SNX29: variants seen among roughly 807,000 people sequenced by gnomAD.
The protein encoded by SNX29 is sorting nexin 29.
SNX29 carries 78 observed loss-of-function variants against 102.1 expected under a neutral mutation model. The ratio of observed to expected loss-of-function variants is 0.76; its 90% CI spans 0.64 to 0.92. The LOEUF (loss-of-function observed/expected upper bound fraction) is 0.92, where lower values mean the gene tolerates loss of function less well. Among genes scored for constraint, SNX29 ranks in the 40% least tolerant of loss-of-function variants. The pLI is 0.00. For missense variants in SNX29, 1,280 were observed against 1,061.7 expected, an observed-to-expected ratio of 1.21 and a Z score of -2.86; for synonymous variants, 580 against 414.5, an observed-to-expected ratio of 1.40 and a Z score of -4.85.
rs75337490 is a variant in SNX29 at position 12,124,392 on chromosome 16, C to T, written c.1403-2241C>T. On this transcript the variant is annotated intron_variant, in intron 11 of 20. Transcript: ENST00000566228. ...AAAACTGATATTCTTTCTACACTGC[C>T]AGTTTACTGCCCTGAGGAGCTTAAA... Among the ~76,000 whole-genome samples the T allele has an allele frequency of 1.7e-3, 255 of 152,068 alleles. 6 individuals are homozygous for T. The East Asian group carries it at 0.043, about 25-fold the overall frequency.
At chr16:12,224,753 A>G (rs1249697472) in intron 14 of SNX29, among the ~76,000 whole-genome samples, 1 of 152,198 alleles carries the variant, frequency 6.6e-6, no homozygotes, top group Non-Finnish European at 1.5e-5. Context: ...GCACAAAACC[A>G]GATAGTCCAC....
chr16:12,098,029 C>T lies in SNX29; in HGVS notation c.1402+19114C>T, dbSNP rs1289645949. On this transcript the variant is annotated intron_variant, in intron 11 of 20. Transcript: ENST00000566228. The surrounding 1 kb of genome is among the most constrained non-coding windows in gnomAD (Gnocchi z 6.0). ...GCTCACGTCCTGGCTTTGCCATTTA[C>T]TTTGTCCGTTTCCTTATTTCCAAAA... Among the ~76,000 whole-genome samples the T allele has an allele frequency of 2.6e-5, 4 of 152,236 alleles. No individual in the cohort carries two copies. Among genetic ancestry groups the T allele is most frequent in the African/African-American group, 9.6e-5 (4 of 41,466 alleles).
intron 14 of SNX29, among the ~76,000 whole-genome samples, chr16:12,207,397 C>T (rs906069098): frequency 6.6e-6 from 1 of 152,058 alleles, no homozygotes; most frequent in Non-Finnish European, 1.5e-5. Context: ...AAACAAAAAC[C>T]AGGGAGGCTC....
chr16:12,568,205 A>G (rs994304297), intron 20 of SNX29, among the ~76,000 whole-genome samples: 2 of 151,638 alleles, frequency 1.3e-5, no homozygotes, highest in Non-Finnish European at 2.9e-5. Flanking sequence ...AGCTGTGCCT[A>G]GAACATTCTT....
rs114986722 is a variant in SNX29, at chr16:11,997,321, A to G, written c.8-1976A>G. On this transcript the variant is annotated intron_variant, in intron 1 of 20. Coordinates refer to ENST00000566228, the MANE Select transcript of SNX29 (RefSeq NM_032167.5). The stretch of plus-strand genomic sequence containing the variant: ...CTTTCCATAGCTGTTCCTTCTCTTC[A>G]TAGAGGGCTCAGCTCAAATGTCACC... 3.2e-3 allele frequency among the ~76,000 whole-genome samples: 480 copies of G among 152,144 alleles called. 3 individuals carry two copies. The highest frequency in any genetic ancestry group is 0.011 in the African/African-American group (454 of 41,520).
chr16:12,398,598 T>G lies in SNX29; in HGVS notation c.1955+97T>G. On this transcript the variant is annotated intron_variant, in intron 17 of 20. Transcript: ENST00000566228. ...GACCACAGGGGGAAACAGAAATCAC[T>G]GTTGAGACCCACACAAGGTTGATGT... 5 of 1,368,436 alleles carry G rather than the reference T, an allele frequency of 3.7e-6. No homozygotes were observed. In the Admixed American group the frequency reaches 8.4e-5, roughly 23 times the overall value. The allele number at this position is 1,368,436 out of a possible 1,614,324, so 84.8% of individuals were successfully genotyped here.
intron 14 of SNX29, among the ~76,000 whole-genome samples, chr16:12,199,934 G>GA (rs1567304220): frequency 3.3e-5 from 5 of 152,176 alleles, no homozygotes; most frequent in Admixed American, 6.5e-5. Flanking sequence ...TGTACTTAGA[G>GA]AATTTTATGT....
chr16:12,056,356 G>A (rs2050520882), intron 8 of SNX29, among the ~76,000 whole-genome samples: 1 of 152,204 alleles, frequency 6.6e-6, no homozygotes, highest in Admixed American at 6.5e-5. Context: ...TGAAGCCAGA[G>A]GGCCTCCTGC....
chr16:12,550,041 C>T (rs1567176284), intron 20 of SNX29, among the ~76,000 whole-genome samples: 1 of 152,146 alleles, frequency 6.6e-6, no homozygotes, highest in African/African-American at 2.4e-5. Flanking sequence ...GGAATGCCTC[C>T]CTGGAGCCTA....
chr16:12,568,304 T>TTA (rs1555465909), intron 20 of SNX29, among the ~76,000 whole-genome samples: 1 of 146,340 alleles, frequency 6.8e-6, no homozygotes, highest in Non-Finnish European at 1.5e-5. Context: ...GGAGTGCTGT[T>TTA]AAAAAAAAAA....
chr16:12,108,445 C>A (rs1350407965), intron 11 of SNX29, among the ~76,000 whole-genome samples: 1 of 152,186 alleles, frequency 6.6e-6, no homozygotes, highest in Non-Finnish European at 1.5e-5. Context: ...GGTGTCACGG[C>A]ACCTGGAGGC....
At position 12,377,754 on chromosome 16, in the gene SNX29, C is replaced by G. The variant is rs144839983; in HGVS notation, c.1900-20692C>G. Among the ~76,000 whole-genome samples, 376 of 152,210 alleles carry G rather than the reference C, an allele frequency of 2.5e-3. 2 individuals carry two copies. Among genetic ancestry groups the G allele is most frequent in the African/African-American group, 8.4e-3 (350 of 41,526 alleles). On this transcript the variant is annotated intron_variant, in intron 16 of 20. Transcript: ENST00000566228. The stretch of plus-strand genomic sequence containing the variant: ...TTTACAAAACCTTTGTCTTCCTGAG[C>G]CACTCATTTAGCCCATGTGTGTTGA...
chr16:12,273,653 C>T (rs941145166), intron 14 of SNX29, among the ~76,000 whole-genome samples: 9 of 152,098 alleles, frequency 5.9e-5, no homozygotes, highest in Admixed American at 2.0e-4. Context: ...CCACCAAGCC[C>T]GACCCTCAGT....
chr16:12,469,709 A>G (rs2087243173), intron 18 of SNX29, among the ~76,000 whole-genome samples: 1 of 152,220 alleles, frequency 6.6e-6, no homozygotes, highest in Non-Finnish European at 1.5e-5. Context: ...GTTTTAAGGC[A>G]TACAAAACTG....
chr16:12,566,886 C>T (rs1256625313), intron 20 of SNX29, among the ~76,000 whole-genome samples: 1 of 152,224 alleles, frequency 6.6e-6, no homozygotes, highest in Non-Finnish European at 1.5e-5. Flanking sequence ...AACAACTTGA[C>T]TTACAGGAAA....
intron 13 of SNX29, among the ~76,000 whole-genome samples, chr16:12,131,202 A>G (rs1476569513): frequency 3.3e-5 from 5 of 152,220 alleles, no homozygotes; most frequent in African/African-American, 1.2e-4. Context: ...AGGGGTGGAA[A>G]TGGTGCTGGC....
intron 3 of SNX29, among the ~76,000 whole-genome samples, chr16:12,026,716 T>A (rs571515228): frequency 6.6e-5 from 10 of 152,312 alleles, no homozygotes; most frequent in Admixed American, 4.6e-4. Flanking sequence ...AGAACAAGAA[T>A]CAGAATTCAT....
chr16:12,268,008 C>T (rs547913007), intron 14 of SNX29, among the ~76,000 whole-genome samples: 1 of 152,294 alleles, frequency 6.6e-6, no homozygotes, highest in South Asian at 2.1e-4. Flanking sequence ...CCGCCCCAGG[C>T]CCTTTGCATT....
chr16:12,448,207 C>A (rs773329442), intron 18 of SNX29, among the ~76,000 whole-genome samples: 2 of 152,210 alleles, frequency 1.3e-5, no homozygotes, highest in Non-Finnish European at 2.9e-5. Context: ...AGGCTTGCGT[C>A]CGGGTCTGTC....
Sources: gnomAD v4.1 joint callset for allele counts (sites outside exome capture counted in the v4.1 genomes callset) on GRCh38, gnomAD v4.1.1 for gene constraint, Gnocchi (gnomAD v3.1) non-coding constraint, MANE v1.5 for transcripts, NCBI Gene and HGNC (gene_info 2026-07-23, HGNC 2026-07-21) for gene names.